The following SPTLC1 variants were observed in gnomAD, a reference collection of about 807,000 sequenced individuals.
SPTLC1 encodes the protein serine palmitoyltransferase long chain base subunit 1, also known as serine palmitoyltransferase 1.
In SPTLC1, 55 loss-of-function variants were observed where a neutral mutation model predicts 68.9. That is an observed-to-expected ratio of 0.80 (90% confidence interval 0.64 to 1.00). The LOEUF (loss-of-function observed/expected upper bound fraction) is 1.00. Among genes scored for constraint, SPTLC1 ranks in the 50% least tolerant of loss-of-function variants. The probability of loss-of-function intolerance (pLI) is 0.00; values close to 1 mark genes in which losing one functional copy is unlikely to be tolerated. For missense variants in SPTLC1, 449 were observed against 573.1 expected (o/e 0.78, Z 2.21); for synonymous variants, 197 against 201.6 (o/e 0.98, Z 0.19).
At chr9:92,055,523 C>T (rs1199400263) in intron 7 of SPTLC1, 29 bp from the exon 8 acceptor site, 1 of 1,608,234 alleles carries the variant, frequency 6.2e-7, no homozygotes. Context: ...AGACATCTTA[C>T]ATTTCAGTAA....
chr9:92,055,334 C>T (rs754167929), intron 8 of SPTLC1, 71 bp downstream of exon 8: 37 of 1,603,636 alleles, frequency 2.3e-5, no homozygotes, highest in Non-Finnish European at 2.7e-5. Context: ...ACACTAAAAG[C>T]GGTCATAAAC....
chr9:92,055,967 G>A (rs1833874899), intron 7 of SPTLC1, among the ~76,000 whole-genome samples: 1 of 152,202 alleles, frequency 6.6e-6, no homozygotes, highest in African/African-American at 2.4e-5. Context: ...GATGGGGTGA[G>A]GAACAGATGG....
chr9:92,077,402 G>C (rs62567931), intron 5 of SPTLC1, among the ~76,000 whole-genome samples: 1 of 151,894 alleles, frequency 6.6e-6, no homozygotes, highest in East Asian at 1.9e-4. Context: ...CTAGAACCTC[G>C]GTGGACAGGA....
Position 92,078,038 on chromosome 9 carries a change from G to A in SPTLC1, c.427+1978C>T, listed in dbSNP as rs184531418. Among the ~76,000 whole-genome samples the A allele has an allele frequency of 5.9e-5, 9 of 152,020 alleles. No homozygotes were observed. The East Asian group carries it at 1.7e-3, about 29-fold the overall frequency. On this transcript the variant is annotated intron_variant, in intron 5 of 14. Transcript: ENST00000262554. ...TTCCTTCTCTTCCTCCTACTACACA[G>A]CTGTCCCTGCCCTGCCAGCTGACTC...
Position 92,055,295 on chromosome 9 carries a change from C to G in SPTLC1, c.780+110G>C, listed in dbSNP as rs147538667. 207 of 1,551,160 alleles carry G rather than the reference C, an allele frequency of 1.3e-4. No homozygotes were observed. The African/African-American group carries it at 2.1e-3, about 16-fold the overall frequency. ...ATCTGAGCAAAATATGCTTATGAGG[C>G]CTAATGCGCAAAGCAACGCAGACGT... On this transcript the variant is annotated intron_variant, in intron 8 of 14. Transcript: ENST00000262554.
chr9:92,047,633 A>G lies in SPTLC1; in HGVS notation c.964T>C (p.Ser322Pro), dbSNP rs201514833. 2 of 1,610,590 alleles carry G rather than the reference A, an allele frequency of 1.2e-6. No homozygotes were observed. The highest frequency in any genetic ancestry group is 1.7e-6 in the Non-Finnish European group (2 of 1,178,038). Reference sequence around the variant, plus strand: ...CCCACCTGATGGTCAATTACAAAAGACCTGCCACAGCAGAAACCTCCAATA... The same window carrying G: ...CCCACCTGATGGTCAATTACAAAAGGCCTGCCACAGCAGAAACCTCCAATA... ...ASIGGFCCGR[S>P]FVIDHQRLSG... Residue 322 changes from serine to proline, a missense_variant, in exon 10 of 15, where the codon TCT becomes CCT. Ser to Pro is a moderately conservative substitution (Grantham distance 74). This residue lies in a region of SPTLC1 where 391 missense variants were observed against 472.1 expected (regional missense o/e 0.83). Transcript: ENST00000262554.
rs1031626589 is a variant in SPTLC1, at chr9:92,035,034, C to T, written c.1255-151G>A. 3 of 739,166 alleles carry T rather than the reference C, an allele frequency of 4.1e-6. No individual in the cohort carries two copies. The Admixed American group carries it at 5.9e-5, about 15-fold the overall frequency. The allele number at this position is 739,166 out of a possible 1,614,324, so 45.8% of individuals were successfully genotyped here. On this transcript the variant is annotated intron_variant, in intron 13 of 14. Coordinates refer to ENST00000262554, the MANE Select transcript of SPTLC1 (RefSeq NM_006415.4). ...TATCACCAAAATACTACACCACCAC[C>T]TTGGCAGCACTGTCCACAGAACTTT...
intron 5 of SPTLC1, chr9:92,079,510 T>G (rs1834801414): frequency 1.8e-5 from 29 of 1,613,868 alleles, no homozygotes; most frequent in Non-Finnish European, 2.4e-5. Context: ...AAATATTTAG[T>G]TGGCCTGTTC....
intron 3 of SPTLC1, among the ~76,000 whole-genome samples, chr9:92,092,165 C>T (rs1237674946): frequency 6.6e-6 from 1 of 152,098 alleles, no homozygotes; most frequent in Admixed American, 6.5e-5. Flanking sequence ...GGACACAAGA[C>T]ACCTTGAATA....
At chr9:92,100,999 G>A (rs889612934) in intron 3 of SPTLC1, among the ~76,000 whole-genome samples, 5 of 152,034 alleles carry the variant, frequency 3.3e-5, no homozygotes, top group Admixed American at 3.3e-4. Flanking sequence ...ACAGGTGACC[G>A]TGTCAACAGT....
Position 92,031,423 on chromosome 9 carries a change from T to C in SPTLC1, c.*1042A>G, listed in dbSNP as rs1043093223. The C allele has an allele frequency of 4.6e-4, 70 of 152,468 alleles. No individual in the cohort carries two copies. The highest frequency in any genetic ancestry group is 1.7e-3 in the African/African-American group (69 of 41,582). The allele number at this position is 152,468 out of a possible 1,614,324, so 9.4% of individuals were successfully genotyped here. Reference sequence around the variant, plus strand: ...GGCATAATATTTATATGCTATATTGTGGCACGTATAACAAACCTTTACACC... The same window carrying C: ...GGCATAATATTTATATGCTATATTGCGGCACGTATAACAAACCTTTACACC... On this transcript the variant is annotated 3_prime_UTR_variant, in exon 15 of 15. Coordinates refer to ENST00000262554, the MANE Select transcript of SPTLC1 (RefSeq NM_006415.4).
intron 8 of SPTLC1, among the ~76,000 whole-genome samples, chr9:92,050,705 A>G (rs952802242): frequency 3.9e-5 from 6 of 152,106 alleles, no homozygotes; most frequent in African/African-American, 1.2e-4. Flanking sequence ...TTCTTATTCC[A>G]GTGTTCATGG....
At chr9:92,081,094 GT>G (rs1564104467) in intron 3 of SPTLC1, 131 bp from the exon 4 acceptor site, 1 of 699,988 alleles carries the variant, frequency 1.4e-6, no homozygotes, top group South Asian at 1.6e-5. Flanking sequence ...TTGATTTCTT[GT>G]TTTTAAGAAG....
intron 7 of SPTLC1, among the ~76,000 whole-genome samples, chr9:92,058,953 T>C (rs1229133204): frequency 1.3e-5 from 2 of 152,200 alleles, no homozygotes; most frequent in Admixed American, 6.5e-5. Context: ...CTCAGAAAGC[T>C]GCTTGGATTA....
intron 5 of SPTLC1, among the ~76,000 whole-genome samples, chr9:92,069,251 A>T (rs1243426673): frequency 1.6e-4 from 24 of 152,222 alleles, no homozygotes; most frequent in Admixed American, 1.6e-3. Flanking sequence ...CTTCCTAAAG[A>T]ACGTTACAAA....
At position 92,083,667 on chromosome 9, in the gene SPTLC1, G is replaced by A. The variant is rs558239803; in HGVS notation, c.261-2704C>T. On this transcript the variant is annotated intron_variant, in intron 3 of 14. Coordinates refer to ENST00000262554, the MANE Select transcript of SPTLC1 (RefSeq NM_006415.4). The stretch of plus-strand genomic sequence containing the variant: ...AGCCTTGTAGTATAGTTTGAAGTCA[G>A]GTAGCATGATGCCTCCAGCTTTGTT... 9.2e-3 allele frequency among the ~76,000 whole-genome samples: 1,394 copies of A among 152,080 alleles called. 14 individuals are homozygous for A. The highest frequency in any genetic ancestry group is 0.014 in the Non-Finnish European group (925 of 67,958).
rs927604274 is a variant in SPTLC1, at chr9:92,079,781, C to G, written c.427+235G>C. ...GCACTCGTTCCTCACGCTGCAATCCCCACACATGCACACGAGGATGAGCCC... is the reference window on the plus strand; with the variant it reads ...GCACTCGTTCCTCACGCTGCAATCCGCACACATGCACACGAGGATGAGCCC... On this transcript the variant is annotated intron_variant, in intron 5 of 14. Coordinates refer to ENST00000262554, the MANE Select transcript of SPTLC1 (RefSeq NM_006415.4). 4.6e-6 allele frequency: 3 copies of G among 651,038 alleles called. No individual in the cohort carries two copies. In the African/African-American group the frequency reaches 5.4e-5, roughly 12 times the overall value. The allele number at this position is 651,038 out of a possible 1,614,324, so 40.3% of individuals were successfully genotyped here. A position where few individuals can be genotyped will look rare whatever the true frequency, so the allele number is the denominator to read the frequency against.
chr9:92,073,741 C>T (rs1834578602), intron 5 of SPTLC1, among the ~76,000 whole-genome samples: 1 of 152,202 alleles, frequency 6.6e-6, no homozygotes, highest in South Asian at 2.1e-4. Context: ...TCAAGGTGTT[C>T]AATAATAGGG....
rs62568695 is a variant in SPTLC1, at chr9:92,109,900, G to A, written c.166-1066C>T. 3.3e-3 allele frequency: 509 copies of A among 152,514 alleles called. 1 individual carries two copies. Among genetic ancestry groups the A allele is most frequent in the Non-Finnish European group, 5.4e-3 (371 of 68,148 alleles). 9.4% of individuals were successfully genotyped at this position (152,514 alleles called of 1,614,324 possible). A position where few individuals can be genotyped will look rare whatever the true frequency, so the allele number is the denominator to read the frequency against. On this transcript the variant is annotated intron_variant, in intron 2 of 14. Transcript: ENST00000262554. ...AGGCAGGAGAATCGCTTGAACCTGGGAGGCGGAGGCTGCGGTGAGGCAAGA... is the reference window on the plus strand; with the variant it reads ...AGGCAGGAGAATCGCTTGAACCTGGAAGGCGGAGGCTGCGGTGAGGCAAGA...
Sources: allele counts gnomAD v4.1 joint callset (sites outside exome capture counted in the v4.1 genomes callset), GRCh38; gene constraint gnomAD v4.1.1; regional missense constraint gnomAD v4.1.1; transcripts MANE v1.5; gene names NCBI Gene and HGNC (gene_info 2026-07-23, HGNC 2026-07-21).